Variants in LYPLA1 observed in about 807,000 individuals in gnomAD.
LYPLA1 encodes lysophospholipase 1, also known as acyl-protein thioesterase 1.
A neutral mutation model predicts 34.0 loss-of-function variants in LYPLA1; 17 were observed. The ratio of observed to expected loss-of-function variants is 0.50; its 90% CI spans 0.34 to 0.75. LYPLA1 has a LOEUF of 0.75. Among genes scored for constraint, LYPLA1 ranks in the 30% least tolerant of loss-of-function variants. The pLI is 0.01. For missense variants in LYPLA1, 203 were observed against 288.8 expected (o/e 0.70, Z 2.15); for synonymous variants, 98 against 100.8 (o/e 0.97, Z 0.17).
chr8:54,064,851 A>C, intron 3 of LYPLA1, among the ~76,000 whole-genome samples: 1 of 152,310 alleles, frequency 6.6e-6, no homozygotes, highest in Non-Finnish European at 1.5e-5. Context: ...AAAAAATAAA[A>C]TAATATTTAA....
intron 8 of LYPLA1, 27 bp from the exon 9 acceptor site, chr8:54,048,145 G>C (rs1190957772): frequency 6.9e-7 from 1 of 1,444,260 alleles, no homozygotes; most frequent in African/African-American, 1.4e-5. Flanking sequence ...AATTTAATAG[G>C]TAGGTAGTTA....
chr8:54,091,436 G>A (rs1326800550), intron 2 of LYPLA1, among the ~76,000 whole-genome samples: 5 of 151,386 alleles, frequency 3.3e-5, no homozygotes, highest in Admixed American at 1.3e-4. Context: ...GCAGTGAGCC[G>A]AGATCACGCC....
chr8:54,073,983 G>C lies in LYPLA1; in HGVS notation c.102-8170C>G, dbSNP rs971726349. 5.3e-5 allele frequency among the ~76,000 whole-genome samples: 8 copies of C among 152,168 alleles called. 1 individual carries two copies. Among genetic ancestry groups the C allele is most frequent in the African/African-American group, 1.9e-4 (8 of 41,448 alleles). On this transcript the variant is annotated intron_variant, in intron 2 of 8. Transcript: ENST00000316963. ...TCAATTAAAATAGTCTCTTTAAAAG[G>C]AAAGAAAGCAGCCAGGTGTGGTGAC...
At chr8:54,062,181 A>T (rs1290082670) in intron 5 of LYPLA1, 73 bp downstream of exon 5, 1 of 1,066,430 alleles carries the variant, frequency 9.4e-7, no homozygotes, top group Admixed American at 2.0e-5. Flanking sequence ...TTTAACCAGT[A>T]GCGATATGAT....
At chr8:54,078,681 G>A (rs1262766988) in intron 2 of LYPLA1, among the ~76,000 whole-genome samples, 1 of 152,190 alleles carries the variant, frequency 6.6e-6, no homozygotes, top group Admixed American at 6.5e-5. Context: ...TAAGCAGGAA[G>A]AGAGAGATGA....
chr8:54,059,272 C>G (rs1052247544), intron 5 of LYPLA1, among the ~76,000 whole-genome samples: 2 of 151,738 alleles, frequency 1.3e-5, no homozygotes, highest in Non-Finnish European at 2.9e-5. Context: ...TCCCAAATAT[C>G]TCACATCTTT....
intron 2 of LYPLA1, among the ~76,000 whole-genome samples, chr8:54,078,493 CA>C (rs756113824): frequency 1.4e-4 from 21 of 152,326 alleles, no homozygotes; most frequent in Middle Eastern, 3.4e-3. Flanking sequence ...TCCAACTTTA[CA>C]ATGGCACAAA....
At chr8:54,072,993 G>T in intron 2 of LYPLA1, 1 of 349,362 alleles carries the variant, frequency 2.9e-6, no homozygotes, top group Non-Finnish European at 5.5e-6. Context: ...ACATGCTCAA[G>T]ATCATTAATG....
intron 2 of LYPLA1, among the ~76,000 whole-genome samples, chr8:54,081,694 C>T (rs906156796): frequency 2.6e-5 from 4 of 151,364 alleles, no homozygotes; most frequent in South Asian, 2.1e-4. Flanking sequence ...GGATTACAGG[C>T]GTGCACCACT....
chr8:54,061,386 A>C (rs981593653), intron 5 of LYPLA1, among the ~76,000 whole-genome samples: 2 of 152,144 alleles, frequency 1.3e-5, no homozygotes, highest in Non-Finnish European at 2.9e-5. Context: ...CGGCCGGCCA[A>C]AACTATATAA....
chr8:54,062,645 G>C (rs1806740968), intron 4 of LYPLA1, among the ~76,000 whole-genome samples: 3 of 152,132 alleles, frequency 2.0e-5, no homozygotes, highest in Admixed American at 2.0e-4. Flanking sequence ...CTGAGTAGCT[G>C]GTACTACAGG....
chr8:54,049,782 T>C (rs186548946), intron 8 of LYPLA1, among the ~76,000 whole-genome samples: 1 of 152,310 alleles, frequency 6.6e-6, no homozygotes, highest in African/African-American at 2.4e-5. Flanking sequence ...CCAAAACTTT[T>C]TTAAAAGGTC....
At chr8:54,043,706 C>A (rs1045374247), downstream of LYPLA1, among the ~76,000 whole-genome samples, 2 of 151,594 alleles carry the variant, frequency 1.3e-5, no homozygotes, top group African/African-American at 2.4e-5. Context: ...GGATTACAGG[C>A]ATGTGCTATC....
chr8:54,044,257 T>C (rs1242507017), downstream of LYPLA1, among the ~76,000 whole-genome samples: 13 of 152,082 alleles, frequency 8.5e-5, no homozygotes, highest in Non-Finnish European at 2.9e-5. Context: ...CCTCTTATGA[T>C]TTGAAATGTG....
intron 2 of LYPLA1, among the ~76,000 whole-genome samples, chr8:54,084,124 G>GAAAAA (rs201545035): frequency 5.3e-5 from 3 of 56,384 alleles, no homozygotes; most frequent in African/African-American, 8.9e-5. Context: ...GGAGACCAAA[G>GAAAAA]AAAAAAAAAA....
intron 2 of LYPLA1, among the ~76,000 whole-genome samples, chr8:54,080,517 C>T (rs986550361): frequency 1.3e-5 from 2 of 152,044 alleles, no homozygotes; most frequent in Non-Finnish European, 2.9e-5. Context: ...TTTACACTTA[C>T]GAAGTATATT....
chr8:54,086,338 A>T (rs1367150606), intron 2 of LYPLA1, among the ~76,000 whole-genome samples: 1 of 149,654 alleles, frequency 6.7e-6, no homozygotes. Context: ...CTTTGTTCAC[A>T]TGTTTATCTG....
At chr8:54,072,969 A>G (rs1807602293) in intron 2 of LYPLA1, 2 of 347,880 alleles carry the variant, frequency 5.7e-6, no homozygotes, top group South Asian at 5.6e-5. Context: ...CATGTGGCCA[A>G]CAAGCATATG....
intron 2 of LYPLA1, among the ~76,000 whole-genome samples, chr8:54,081,782 T>C (rs1303146787): frequency 6.7e-6 from 1 of 149,336 alleles, no homozygotes; most frequent in Non-Finnish European, 1.5e-5. Flanking sequence ...CAGGCTGGAG[T>C]GCAATGGTGC....
Sources: allele counts gnomAD v4.1 joint callset (sites outside exome capture counted in the v4.1 genomes callset), GRCh38; gene constraint gnomAD v4.1.1; transcripts MANE v1.5; gene names NCBI Gene and HGNC (gene_info 2026-07-23, HGNC 2026-07-21).